IL1RL1: variants seen among roughly 807,000 people sequenced by gnomAD.
IL1RL1 encodes interleukin-1 receptor-like 1.
IL1RL1 carries 32 observed loss-of-function variants against 50.9 expected under a neutral mutation model. The observed-to-expected ratio is 0.63, with a 90% CI of 0.47 to 0.84. The LOEUF (loss-of-function observed/expected upper bound fraction) is 0.84, where lower values mean the gene tolerates loss of function less well. Ranked by LOEUF, IL1RL1 falls within the 40% of genes least tolerant of loss-of-function variation. The pLI, the probability that IL1RL1 is intolerant of heterozygous loss-of-function variation, is 0.00. For synonymous variants in IL1RL1, 275 were observed against 236.0 expected, an observed-to-expected ratio of 1.17 and a Z score of -1.51; for missense variants, 773 against 662.9, an observed-to-expected ratio of 1.17 and a Z score of -1.82.
At chr2:102,350,925 C>T (rs751153312) in intron 10 of IL1RL1, among the ~76,000 whole-genome samples, 50 of 152,146 alleles carry the variant, frequency 3.3e-4, no homozygotes, top group Non-Finnish European at 5.6e-4. Flanking sequence ...TTTCTGAGTC[C>T]ACCCAGAGCT....
intron 1 of IL1RL1, among the ~76,000 whole-genome samples, chr2:102,313,199 T>C (rs1676572419): frequency 6.6e-6 from 1 of 152,132 alleles, no homozygotes. Flanking sequence ...AGTAATAATA[T>C]CATGTTTAGA....
intron 5 of IL1RL1, chr2:102,341,327 G>A: frequency 8.1e-7 from 1 of 1,236,240 alleles, no homozygotes; most frequent in Non-Finnish European, 1.0e-6. Context: ...ATCTTTGTTT[G>A]CAATACTTTC....
Position 102,338,965 on chromosome 2 carries a change from C to A in IL1RL1, c.190C>A (p.Arg64Ser), listed in dbSNP as rs202037442. 6.8e-6 allele frequency: 11 copies of A among 1,613,928 alleles called. No homozygotes were observed. The East Asian group carries it at 2.2e-4, about 33-fold the overall frequency. Residue 64 changes from arginine to serine, a missense_variant, in exon 3 of 11, where the codon CGT becomes AGT. Arg to Ser is a moderately radical substitution (Grantham distance 110). Transcript: ENST00000233954. ...NKSIPTQERN[R>S]VFASGQLLKF... The stretch of plus-strand genomic sequence containing the variant: ...AAGTATTCCCACTCAGGAAAGAAAT[C>A]GTGTGTTTGCCTCAGGCCAACTTCT...
Position 102,336,528 on chromosome 2 carries a change from G to A in IL1RL1, c.-149-1588G>A, listed in dbSNP as rs957361062. Among the ~76,000 whole-genome samples, 5 of 152,260 alleles carry A rather than the reference G, an allele frequency of 3.3e-5. No homozygotes were observed. In the South Asian group the frequency reaches 6.2e-4, roughly 19 times the overall value. On this transcript the variant is annotated intron_variant, in intron 1 of 10. Coordinates refer to ENST00000233954, the MANE Select transcript of IL1RL1 (RefSeq NM_016232.5). ...TGAGTTTACTCATGATAGGGTCATC[G>A]CAACTATGCATAGCTAAAATCAAAT... is the stretch of plus-strand genomic sequence containing the variant.
Position 102,341,452 on chromosome 2 carries a change from A to G in IL1RL1, c.610+624A>G, listed in dbSNP as rs568610230. The G allele has an allele frequency of 7.7e-5, 47 of 610,840 alleles. No homozygotes were observed. The South Asian group carries it at 1.4e-3, about 19-fold the overall frequency. 37.8% of individuals were successfully genotyped at this position (610,840 alleles called of 1,614,324 possible). Reference sequence around the variant, plus strand: ...AAGATTTCACAATCATAGCTTATCAATCTACAAAGGATTGGGGTCTCCTTA... The same window carrying G: ...AAGATTTCACAATCATAGCTTATCAGTCTACAAAGGATTGGGGTCTCCTTA... On this transcript the variant is annotated intron_variant, in intron 5 of 10. Coordinates refer to ENST00000233954, the MANE Select transcript of IL1RL1 (RefSeq NM_016232.5).
intron 1 of IL1RL1, among the ~76,000 whole-genome samples, chr2:102,311,990 ATAT>A (rs1676515787): frequency 3.2e-5 from 1 of 30,998 alleles, no homozygotes; most frequent in African/African-American, 2.4e-4. Flanking sequence ...AATATATATT[ATAT>A]ATAATATATT....
intron 8 of IL1RL1, chr2:102,346,163 A>T: frequency 4.4e-6 from 3 of 689,298 alleles, no homozygotes; most frequent in Non-Finnish European, 5.4e-6. Flanking sequence ...AATTTAAGAG[A>T]ACAAAAACTT....
chr2:102,347,830 A>T (rs1432930297), intron 8 of IL1RL1, 115 bp from the exon 9 acceptor site: 7 of 618,574 alleles, frequency 1.1e-5, no homozygotes, highest in South Asian at 1.0e-4. Context: ...GAAAATTCCC[A>T]GTGGGTATAT....
chr2:102,323,665 G>A (rs1436153810), intron 1 of IL1RL1, among the ~76,000 whole-genome samples: 1 of 152,026 alleles, frequency 6.6e-6, no homozygotes, highest in Non-Finnish European at 1.5e-5. Flanking sequence ...CACCACCAAG[G>A]GAGGGGATTG....
At chr2:102,330,980 T>C (rs1213437571) in intron 1 of IL1RL1, among the ~76,000 whole-genome samples, 1 of 152,218 alleles carries the variant, frequency 6.6e-6, no homozygotes, top group Non-Finnish European at 1.5e-5. Context: ...AATTTTTCTA[T>C]CATTATGTGT....
intron 9 of IL1RL1, among the ~76,000 whole-genome samples, chr2:102,348,871 A>T (rs1355513231): frequency 6.6e-6 from 1 of 152,128 alleles, no homozygotes; most frequent in African/African-American, 2.4e-5. Flanking sequence ...GACAGTAAAA[A>T]GGAGAAACAC....
At chr2:102,328,306 C>A (rs1162018612) in intron 1 of IL1RL1, among the ~76,000 whole-genome samples, 2 of 151,976 alleles carry the variant, frequency 1.3e-5, no homozygotes, top group Non-Finnish European at 2.9e-5. Flanking sequence ...AATTCAACAA[C>A]CCTTCATGCT....
intron 1 of IL1RL1, among the ~76,000 whole-genome samples, chr2:102,317,806 G>C (rs1168685159): frequency 6.6e-6 from 1 of 152,096 alleles, no homozygotes; most frequent in Non-Finnish European, 1.5e-5. Context: ...GGAGCACAGG[G>C]TTAGTTGGTC....
chr2:102,342,895 G>A (rs1206951876), intron 6 of IL1RL1, 141 bp from the exon 7 acceptor site: 3 of 749,570 alleles, frequency 4.0e-6, no homozygotes, highest in East Asian at 2.5e-5. Context: ...CATAGAAAGA[G>A]GAAGGTGCTA....
At chr2:102,314,823 G>T (rs537132532) in intron 1 of IL1RL1, among the ~76,000 whole-genome samples, 3 of 152,276 alleles carry the variant, frequency 2.0e-5, no homozygotes, top group South Asian at 4.1e-4. Context: ...AGAAACAAAG[G>T]CTTGCTGGAT....
At chr2:102,341,216 A>G in intron 5 of IL1RL1, 3 of 1,171,060 alleles carry the variant, frequency 2.6e-6, no homozygotes, top group Non-Finnish European at 3.2e-6. Context: ...GCAAATTAAA[A>G]AAGAGCTTAA....
At chr2:102,343,864 G>T (rs1445180996) in intron 8 of IL1RL1, 18 of 1,001,984 alleles carry the variant, frequency 1.8e-5, no homozygotes, top group Non-Finnish European at 2.1e-5. Flanking sequence ...AGCGAGGGTG[G>T]TAAAGTGAAC....
intron 1 of IL1RL1, among the ~76,000 whole-genome samples, chr2:102,328,349 C>T (rs575048113): frequency 1.3e-4 from 20 of 152,064 alleles, no homozygotes; most frequent in Middle Eastern, 3.4e-3. Context: ...ATTGATGGGA[C>T]GTATCTCAAA....
chr2:102,346,624 G>C (rs963019757), intron 8 of IL1RL1, among the ~76,000 whole-genome samples: 1 of 152,210 alleles, frequency 6.6e-6, no homozygotes, highest in Non-Finnish European at 1.5e-5. Context: ...TTTAGAGAGA[G>C]AGTGACCTGG....
Sources: allele counts gnomAD v4.1 joint callset (sites outside exome capture counted in the v4.1 genomes callset), GRCh38; gene constraint gnomAD v4.1.1; transcripts MANE v1.5; gene names NCBI Gene and HGNC (gene_info 2026-07-23, HGNC 2026-07-21).